Variants in SYTL1 observed in about 807,000 individuals in gnomAD.
SYTL1 encodes the protein synaptotagmin like 1, also known as synaptotagmin-like protein 1.
SYTL1 carries 53 observed loss-of-function variants against 74.6 expected under a neutral mutation model. The observed-to-expected ratio is 0.71, with a 90% CI of 0.57 to 0.89. The LOEUF (loss-of-function observed/expected upper bound fraction) is 0.89, where lower values mean the gene tolerates loss of function less well. SYTL1 is among the 40% of genes least tolerant of loss of function. The pLI, the probability that SYTL1 is intolerant of heterozygous loss-of-function variation, is 0.00. For synonymous variants in SYTL1, 329 were observed against 324.9 expected, an observed-to-expected ratio of 1.01 and a Z score of -0.14; for missense variants, 728 against 768.7, an observed-to-expected ratio of 0.95 and a Z score of 0.63.
Position 27,351,976 on chromosome 1 carries a change from G to T in SYTL1, c.1343+421G>T. ...GGTGTCCACTCTGATGCAGCCAGAG[G>T]CTGCAGTACAGAGGTACTGTACTTC... On this transcript the variant is annotated intron_variant, in intron 13 of 14. Transcript: ENST00000616558. This position sits in a 1 kb window ranked among gnomAD's most constrained non-coding sequence, Gnocchi z 5.0. 6.0e-6 allele frequency: 1 copy of T among 165,426 alleles called. No individual in the cohort carries two copies. The highest frequency in any genetic ancestry group is 1.9e-4 in the South Asian group (1 of 5,292). 10.2% of individuals were successfully genotyped at this position (165,426 alleles called of 1,614,324 possible).
In SYTL1 at chr1:27,348,639, G is replaced by A. The variant is rs1251585607; in HGVS notation, c.460-441G>A. Among the ~76,000 whole-genome samples the A allele has an allele frequency of 6.6e-6, 1 of 152,020 alleles. No individual in the cohort carries two copies. Among genetic ancestry groups the A allele is most frequent in the Non-Finnish European group, 1.5e-5 (1 of 67,994 alleles). Reference sequence around the variant, plus strand: ...GGAGAATCGCTTGAACCCAGGAGGCGGAGGTTGCAGTGAGCCAAGATCACA... The same window carrying A: ...GGAGAATCGCTTGAACCCAGGAGGCAGAGGTTGCAGTGAGCCAAGATCACA... On this transcript the variant is annotated intron_variant, in intron 5 of 14. Transcript: ENST00000616558. This position sits in a 1 kb window ranked among gnomAD's most constrained non-coding sequence, Gnocchi z 4.1.
chr1:27,349,048 G>A (rs769456511), intron 5 of SYTL1, 32 bp from the exon 6 acceptor site: 17 of 1,560,330 alleles, frequency 1.1e-5, no homozygotes, highest in East Asian at 2.2e-5. Context: ...ACCAGCCCCC[G>A]TACTGTGACC....
chr1:27,353,842 C>A lies in SYTL1; in HGVS notation c.1679C>A (p.Pro560His), dbSNP rs778342578. The change falls in exon 15 of 15, where the codon CCC (proline) becomes CAC (histidine). Residue 560 changes from proline (P) to histidine (H), a missense_variant. Physicochemically the swap from Pro to His is moderately conservative, Grantham distance 77. Transcript: ENST00000616558. The part of the protein sequence containing the change: ...GLLPLRTNLA[P>H]RT ...CTACCCCTCAGAACCAACCTGGCCC[C>A]CAGGACGTAGCCCCACCAAGCCTCT... 1 of 1,613,500 alleles carries A rather than the reference C, an allele frequency of 6.2e-7. No homozygotes were observed. Among genetic ancestry groups the A allele is most frequent in the Non-Finnish European group, 8.5e-7 (1 of 1,179,654 alleles).
chr1:27,350,766 T>C lies in SYTL1; in HGVS notation c.1006-28T>C. 1 of 1,609,012 alleles carries C rather than the reference T, an allele frequency of 6.2e-7. No homozygotes were observed. The highest frequency in any genetic ancestry group is 8.5e-7 in the Non-Finnish European group (1 of 1,176,318). ...CATCTACGCGGGCCACCAGCAGTGC[T>C]CCACTAAAGCTCACCTCCTGTCCTC... On this transcript the variant is annotated intron_variant, in intron 10 of 14. Coordinates refer to ENST00000616558, the MANE Select transcript of SYTL1 (RefSeq NM_001193308.2). The surrounding 1 kb of genome is among the most constrained non-coding windows in gnomAD (Gnocchi z 6.3).
intron 8 of SYTL1, 24 bp downstream of exon 8, chr1:27,349,789 G>C (rs752202617): frequency 6.4e-7 from 1 of 1,570,758 alleles, no homozygotes; most frequent in Non-Finnish European, 8.6e-7. Context: ...GAGGGGACCC[G>C]GGCGGCCGGG....
intron 2 of SYTL1, among the ~76,000 whole-genome samples, chr1:27,346,503 C>G (rs2015009887): frequency 6.6e-6 from 1 of 152,196 alleles, no homozygotes; most frequent in Admixed American, 6.5e-5. Context: ...GTGGCAACGC[C>G]TGTAATCCTA....
Position 27,347,938 on chromosome 1 carries a change from C to A in SYTL1, c.414-29C>A. The A allele has an allele frequency of 6.2e-7, 1 of 1,614,128 alleles. No homozygotes were observed. Among genetic ancestry groups the A allele is most frequent in the African/African-American group, 1.3e-5 (1 of 75,056 alleles). ...GCCCACCAGTCACCAGGGTCCCTCC[C>A]TCTGAGAGCGTCCTCTCCCTACTCC... On this transcript the variant is annotated intron_variant, in intron 4 of 14. Coordinates refer to ENST00000616558, the MANE Select transcript of SYTL1 (RefSeq NM_001193308.2). The surrounding 1 kb of genome is among the most constrained non-coding windows in gnomAD (Gnocchi z 4.9).
chr1:27,353,895 C>T lies in SYTL1; in HGVS notation c.*43C>T. 7 of 1,582,038 alleles carry T rather than the reference C, an allele frequency of 4.4e-6. No homozygotes were observed. The highest frequency in any genetic ancestry group is 6.1e-6 in the Non-Finnish European group (7 of 1,156,258). On this transcript the variant is annotated 3_prime_UTR_variant, in exon 15 of 15. Coordinates refer to ENST00000616558, the MANE Select transcript of SYTL1 (RefSeq NM_001193308.2). ...CTCTGGACCCCCATCTCAGGGCCTG[C>T]CCTTGGCTAAAGTCAATAAAGTCTA...
chr1:27,342,239 G>T lies in SYTL1; in HGVS notation c.-39+89G>T. 1.5e-6 allele frequency: 1 copy of T among 688,234 alleles called. No homozygotes were observed. Among genetic ancestry groups the T allele is most frequent in the Non-Finnish European group, 1.8e-6 (1 of 558,690 alleles). 42.6% of individuals were successfully genotyped at this position (688,234 alleles called of 1,614,324 possible). On this transcript the variant is annotated intron_variant, in intron 1 of 14. Transcript: ENST00000616558. The surrounding 1 kb of genome is among the most constrained non-coding windows in gnomAD (Gnocchi z 4.7). ...ATCCTGAGCACCCTCCAGCACCTTGGGGTTGGGGGAGGTGGGCACATGTCT... is the reference window on the plus strand; with the variant it reads ...ATCCTGAGCACCCTCCAGCACCTTGTGGTTGGGGGAGGTGGGCACATGTCT...
chr1:27,349,586 C>T, intron 7 of SYTL1, 66 bp from the exon 8 acceptor site: 1 of 1,523,428 alleles, frequency 6.6e-7, no homozygotes, highest in Non-Finnish European at 8.8e-7. Flanking sequence ...GAGCCGCCCG[C>T]GACCCAGGGC....
rs2015038254 is a variant in SYTL1 at position 27,347,297 on chromosome 1, A to G, written c.192-124A>G. On this transcript the variant is annotated intron_variant, in intron 2 of 14. Transcript: ENST00000616558. The surrounding 1 kb of genome is among the most constrained non-coding windows in gnomAD (Gnocchi z 4.9). ...TCCCCAGCAGCCCGAGCTCCTCCAC[A>G]GCACAGATCAAGTCTGATTTGCTGT... 1 of 1,318,162 alleles carries G rather than the reference A, an allele frequency of 7.6e-7. No individual in the cohort carries two copies. The highest frequency in any genetic ancestry group is 1.1e-6 in the Non-Finnish European group (1 of 939,320). 81.7% of individuals were successfully genotyped at this position (1,318,162 alleles called of 1,614,324 possible). A position where few individuals can be genotyped will look rare whatever the true frequency, so the allele number is the denominator to read the frequency against.
In SYTL1 at chr1:27,353,768, G is replaced by A; in HGVS notation, c.1605G>A (p.Gln535=). The change falls in exon 15 of 15, where the codon CAG becomes CAA. Residue 535 remains glutamine (Q), a synonymous_variant. Transcript: ENST00000616558. ...PWMDSTPEEK[Q]LWQALLEQPC... ...TGGATTCCACACCTGAGGAGAAGCA[G>A]CTGTGGCAAGCCCTCCTGGAGCAGC... The A allele has an allele frequency of 6.2e-7, 1 of 1,614,072 alleles. No homozygotes were observed. Among genetic ancestry groups the A allele is most frequent in the Non-Finnish European group, 8.5e-7 (1 of 1,179,978 alleles).
At chr1:27,344,180 C>G (rs775355317) in intron 1 of SYTL1, among the ~76,000 whole-genome samples, 3 of 151,894 alleles carry the variant, frequency 2.0e-5, no homozygotes, top group Admixed American at 6.6e-5. Context: ...CTCGGTTTAC[C>G]ATAACCTCTG....
Position 27,350,719 on chromosome 1 carries a change from C to G in SYTL1, c.1006-75C>G. 5.2e-6 allele frequency: 8 copies of G among 1,550,484 alleles called. No individual in the cohort carries two copies. The highest frequency in any genetic ancestry group is 7.0e-6 in the Non-Finnish European group (8 of 1,136,424). On this transcript the variant is annotated intron_variant, in intron 10 of 14. Coordinates refer to ENST00000616558, the MANE Select transcript of SYTL1 (RefSeq NM_001193308.2). The surrounding 1 kb of genome is among the most constrained non-coding windows in gnomAD (Gnocchi z 6.3). ...CATCATGGTAGGAACGCGGTAGGAC[C>G]TGCCTCAGCCAACTCGCGCAGCATC...
chr1:27,344,155 G>C lies in SYTL1; in HGVS notation c.-38-1142G>C, dbSNP rs534218605. Among the ~76,000 whole-genome samples the C allele has an allele frequency of 8.5e-5, 13 of 152,262 alleles. No homozygotes were observed. The East Asian group carries it at 9.7e-4, about 11-fold the overall frequency. ...TTTCACTCTTTTTGCCCAGGCTGGA[G>C]TGCAATGGTGTGATCTCGGTTTACC... On this transcript the variant is annotated intron_variant, in intron 1 of 14. Transcript: ENST00000616558.
chr1:27,347,754 C>T lies in SYTL1; in HGVS notation c.341-54C>T. On this transcript the variant is annotated intron_variant, in intron 3 of 14. Coordinates refer to ENST00000616558, the MANE Select transcript of SYTL1 (RefSeq NM_001193308.2). This position sits in a 1 kb window ranked among gnomAD's most constrained non-coding sequence, Gnocchi z 4.9. ...GTATCTCCCAGGGCCTCTCCCGAGT[C>T]ACAGCCAGGCTTCCTGAGCATGGGG... 5 of 1,580,316 alleles carry T rather than the reference C, an allele frequency of 3.2e-6. No homozygotes were observed. Among genetic ancestry groups the T allele is most frequent in the Non-Finnish European group, 4.3e-6 (5 of 1,162,020 alleles).
In SYTL1 at chr1:27,345,447, CAG is replaced by C; in HGVS notation, c.116_117del (p.Glu39GlyfsTer61). On this transcript the variant is annotated frameshift_variant, in exon 2 of 15. Coordinates refer to ENST00000616558, the MANE Select transcript of SYTL1 (RefSeq NM_001193308.2). LOFTEE classifies it high-confidence loss of function. The surrounding 1 kb of genome is among the most constrained non-coding windows in gnomAD (Gnocchi z 6.0). ...GGACTGTTGGACCTCAGCTTCCTGA[CAG>C]AGGAGGAGCAGGAGGCCATTGCTGG... is the stretch of plus-strand genomic sequence containing the variant. 6.4e-7 allele frequency: 1 copy of C among 1,562,984 alleles called. No homozygotes were observed.
Position 27,350,422 on chromosome 1 carries a change from G to C in SYTL1, c.942G>C (p.Gln314His). The C allele has an allele frequency of 6.2e-7, 1 of 1,614,164 alleles. No homozygotes were observed. Among genetic ancestry groups the C allele is most frequent in the South Asian group, 1.1e-5 (1 of 91,090 alleles). The change falls in exon 10 of 15, where the codon CAG becomes CAC. Residue 314 changes from glutamine to histidine, a missense_variant. Transcript: ENST00000616558. The surrounding 1 kb of genome is among the most constrained non-coding windows in gnomAD (Gnocchi z 6.3). ...AAAGCTACCTCCTCCCGGATAAGCA[G>C]AGCAAGCGCAAGACGGCGGTGAAGA... ...YVKSYLLPDK[Q>H]SKRKTAVKKR...
rs145362450 is a variant in SYTL1 at position 27,348,360 on chromosome 1, C to T, written c.459+348C>T. On this transcript the variant is annotated intron_variant, in intron 5 of 14. Transcript: ENST00000616558. This position sits in a 1 kb window ranked among gnomAD's most constrained non-coding sequence, Gnocchi z 4.1. ...GCTGATGTGGGAGGATCGCTTGAGC[C>T]GAGGAGTTCAAGACCAGCCTGGGCA... Among the ~76,000 whole-genome samples the T allele has an allele frequency of 6.2e-3, 940 of 151,688 alleles. 8 individuals carry two copies. Among genetic ancestry groups the T allele is most frequent in the Middle Eastern group, 0.051 (15 of 292 alleles).
Sources: allele counts gnomAD v4.1 joint callset (sites outside exome capture counted in the v4.1 genomes callset), GRCh38; gene constraint gnomAD v4.1.1; non-coding constraint Gnocchi (gnomAD v3.1); transcripts MANE v1.5; gene names NCBI Gene and HGNC (gene_info 2026-07-23, HGNC 2026-07-21).